The following SGMS2 variants were observed in gnomAD, a reference collection of about 807,000 sequenced individuals.
The protein encoded by SGMS2 is phosphatidylcholine:ceramide cholinephosphotransferase 2.
SGMS2 carries 21 observed loss-of-function variants against 43.8 expected under a neutral mutation model. The ratio of observed to expected loss-of-function variants is 0.48; its 90% confidence interval spans 0.34 to 0.69. The LOEUF (loss-of-function observed/expected upper bound fraction) is 0.69. Ranked by LOEUF, SGMS2 falls within the 30% of genes least tolerant of loss-of-function variation. The pLI, the probability that SGMS2 is intolerant of heterozygous loss-of-function variation, is 0.01. For synonymous variants in SGMS2, 167 were observed against 160.6 expected (o/e 1.04, Z -0.30); for missense variants, 384 against 443.2 (o/e 0.87, Z 1.20).
intron 1 of SGMS2, among the ~76,000 whole-genome samples, chr4:107,838,174 T>C (rs1207158270): frequency 6.6e-6 from 1 of 152,114 alleles, no homozygotes; most frequent in East Asian, 1.9e-4. Flanking sequence ...GAAAGAACAA[T>C]GTCCCAGATG....
At chr4:107,841,926 A>G (rs1726533965) in intron 1 of SGMS2, among the ~76,000 whole-genome samples, 1 of 152,128 alleles carries the variant, frequency 6.6e-6, no homozygotes, top group Admixed American at 6.5e-5. Flanking sequence ...GCTGGAACTT[A>G]CAGGCATGAA....
At chr4:107,843,493 G>A (rs985503083) in intron 1 of SGMS2, among the ~76,000 whole-genome samples, 1 of 152,154 alleles carries the variant, frequency 6.6e-6, no homozygotes, top group Non-Finnish European at 1.5e-5. Flanking sequence ...AATTGCCATG[G>A]ATGTGCTTGT....
intron 1 of SGMS2, among the ~76,000 whole-genome samples, chr4:107,837,816 A>G (rs1726277861): frequency 6.6e-6 from 1 of 152,142 alleles, no homozygotes; most frequent in Non-Finnish European, 1.5e-5. Flanking sequence ...GTTTGAAAGT[A>G]CTGGAGACTT....
At chr4:107,859,626 T>C (rs1727616795) in intron 2 of SGMS2, among the ~76,000 whole-genome samples, 1 of 152,206 alleles carries the variant, frequency 6.6e-6, no homozygotes, top group African/African-American at 2.4e-5. Context: ...GCTTTCTATG[T>C]GCCAGGCATT....
chr4:107,908,686 C>T lies in SGMS2; in HGVS notation c.849C>T (p.Ile283=). 5 of 1,613,950 alleles carry T rather than the reference C, an allele frequency of 3.1e-6. No homozygotes were observed. The highest frequency in any genetic ancestry group is 4.2e-6 in the Non-Finnish European group (5 of 1,179,934). The part of the protein sequence containing the change: ...YTIDVIIAYY[I]TTRLFWWYHS... ...TCGATGTGATCATTGCTTATTATAT[C>T]ACAACACGACTGTTTTGGTGGTACC... is the stretch of plus-strand genomic sequence containing the variant. The change falls in exon 6 of 7, where the codon ATC becomes ATT. Residue 283 remains isoleucine (I), a synonymous_variant. Transcript: ENST00000690982.
chr4:107,903,549 G>C (rs552786569), intron 5 of SGMS2, among the ~76,000 whole-genome samples, 163 bp downstream of exon 5: 4 of 152,162 alleles, frequency 2.6e-5, no homozygotes, highest in Non-Finnish European at 5.9e-5. Flanking sequence ...GTGTGCGTGT[G>C]TGTCTGTATA....
At chr4:107,878,628 A>G (rs55679315) in intron 2 of SGMS2, among the ~76,000 whole-genome samples, 32,477 of 151,874 alleles carry the variant, frequency 0.21, 4,708 homozygotes, top group African/African-American at 0.41. Context: ...TTGTCCATTC[A>G]TTCACCTTAC....
intron 1 of SGMS2, among the ~76,000 whole-genome samples, chr4:107,852,229 C>T (rs1400923206): frequency 6.6e-6 from 1 of 151,858 alleles, no homozygotes; most frequent in African/African-American, 2.4e-5. Flanking sequence ...CCATCACTTA[C>T]ACCCAGCTAA....
rs774479095 is a variant in SGMS2 at position 107,895,852 on chromosome 4, T to C, written c.299T>C (p.Val100Ala). The change falls in exon 3 of 7, where the codon GTA becomes GCA. Residue 100 changes from valine (V) to alanine (A), a missense_variant. Transcript: ENST00000690982. ...LVLTTVMITV[V>A]HERVPPKELS... is the part of the protein sequence containing the mutation. ...TTGACAACCGTCATGATCACAGTTG[T>C]ACATGAGAGGGTCCCTCCCAAGGAG... The C allele has an allele frequency of 6.2e-7, 1 of 1,614,000 alleles. No homozygotes were observed. The highest frequency in any genetic ancestry group is 8.5e-7 in the Non-Finnish European group (1 of 1,179,938).
Position 107,879,485 on chromosome 4 carries a change from C to G in SGMS2, c.-244-15825C>G, listed in dbSNP as rs559909365. Among the ~76,000 whole-genome samples, 202 of 148,696 alleles carry G rather than the reference C, an allele frequency of 1.4e-3. 2 individuals carry two copies. Among genetic ancestry groups the G allele is most frequent in the African/African-American group, 4.9e-3 (197 of 40,382 alleles). On this transcript the variant is annotated intron_variant, in intron 2 of 6. Transcript: ENST00000690982. ...TGGGCTATTTTTTTTTTTTCGAGAC[C>G]GAGTCTCACTCTGTTGCCCAGGCTA...
In SGMS2 at chr4:107,911,130, A is replaced by G. The variant is rs11945554; in HGVS notation, c.*577A>G. On this transcript the variant is annotated 3_prime_UTR_variant, in exon 7 of 7. Transcript: ENST00000690982. ...CTGCTGCTGCCACCCAATGCGCTAC[A>G]TATCACTTTTTTTTGTTTTGTTTTG... 46,518 of 152,058 alleles carry G rather than the reference A, an allele frequency of 0.31. 7,972 individuals are homozygous for G. Among genetic ancestry groups the G allele is most frequent in the African/African-American group, 0.46 (19,209 of 41,428 alleles). The allele number at this position is 152,058 out of a possible 1,614,324, so 9.4% of individuals were successfully genotyped here. A position where few individuals can be genotyped will look rare whatever the true frequency, so the allele number is the denominator to read the frequency against.
chr4:107,837,867 A>G (rs905260804), intron 1 of SGMS2, among the ~76,000 whole-genome samples: 11 of 152,120 alleles, frequency 7.2e-5, no homozygotes, highest in Non-Finnish European at 2.9e-5. Flanking sequence ...AAAATTAAGC[A>G]TGACTCCTAG....
intron 2 of SGMS2, among the ~76,000 whole-genome samples, chr4:107,883,224 C>T (rs1261240316): frequency 1.3e-5 from 2 of 152,092 alleles, no homozygotes; most frequent in African/African-American, 2.4e-5. Flanking sequence ...GATCACATGG[C>T]CTTTTCCCAT....
At chr4:107,873,806 T>C (rs1297891186) in intron 2 of SGMS2, among the ~76,000 whole-genome samples, 2 of 152,144 alleles carry the variant, frequency 1.3e-5, no homozygotes, top group Non-Finnish European at 2.9e-5. Flanking sequence ...AATTTGGATT[T>C]TCATCCAAAT....
chr4:107,833,685 G>A (rs992334664), intron 1 of SGMS2, among the ~76,000 whole-genome samples: 1 of 152,154 alleles, frequency 6.6e-6, no homozygotes. Flanking sequence ...AAGCATTTCA[G>A]ATAAGGGATT....
At chr4:107,855,121 C>G (rs1270851633) in intron 1 of SGMS2, among the ~76,000 whole-genome samples, 1 of 152,092 alleles carries the variant, frequency 6.6e-6, no homozygotes, top group African/African-American at 2.4e-5. Context: ...TTAACAAATA[C>G]ATATAATGCT....
intron 2 of SGMS2, among the ~76,000 whole-genome samples, chr4:107,888,349 A>C (rs1341821683): frequency 6.6e-6 from 1 of 152,128 alleles, no homozygotes; most frequent in Non-Finnish European, 1.5e-5. Flanking sequence ...AAAAACTTTT[A>C]ATCTCAGTTT....
intron 2 of SGMS2, among the ~76,000 whole-genome samples, chr4:107,859,566 G>A (rs1487896788): frequency 3.3e-5 from 5 of 152,140 alleles, no homozygotes; most frequent in Non-Finnish European, 7.3e-5. Flanking sequence ...CTGTCTCATT[G>A]AAGCTGAGTG....
chr4:107,827,158 T>C (rs996446641), intron 1 of SGMS2, among the ~76,000 whole-genome samples: 1 of 152,214 alleles, frequency 6.6e-6, no homozygotes, highest in African/African-American at 2.4e-5. Context: ...AAGGAATAAT[T>C]ACTGAGAGTT....
Sources: allele counts gnomAD v4.1 joint callset (sites outside exome capture counted in the v4.1 genomes callset), GRCh38; gene constraint gnomAD v4.1.1; transcripts MANE v1.5; gene names NCBI Gene and HGNC (gene_info 2026-07-23, HGNC 2026-07-21).